The following FAT4 variants were observed in gnomAD, a reference collection of about 807,000 sequenced individuals.
FAT4 encodes FAT atypical cadherin 4, also known as protocadherin Fat 4.
Under a neutral mutation model 303.9 loss-of-function variants are expected in FAT4, and 84 were observed. The ratio of observed to expected loss-of-function variants is 0.28; its 90% CI spans 0.23 to 0.33. The LOEUF (loss-of-function observed/expected upper bound fraction) is 0.33, where lower values mean the gene tolerates loss of function less well. Ranked by LOEUF, FAT4 falls within the 10% of genes least tolerant of loss-of-function variation. The pLI, the probability that FAT4 is intolerant of heterozygous loss-of-function variation, is 1.00. For synonymous variants in FAT4, 2,307 were observed against 2,298.8 expected, an observed-to-expected ratio of 1.00 and a Z score of -0.10; for missense variants, 6,005 against 6,146.8, an observed-to-expected ratio of 0.98 and a Z score of 0.77.
chr4:125,380,835 T>C (rs929354007), intron 2 of FAT4, among the ~76,000 whole-genome samples: 4 of 152,210 alleles, frequency 2.6e-5, no homozygotes, highest in African/African-American at 9.6e-5. Flanking sequence ...ATTTTAATTT[T>C]TGTGCATTTA....
intron 2 of FAT4, among the ~76,000 whole-genome samples, chr4:125,381,467 T>C (rs571540865): frequency 6.6e-6 from 1 of 152,306 alleles, no homozygotes; most frequent in East Asian, 1.9e-4. Context: ...TTATGTTTAT[T>C]CTATACTGTA....
At chr4:125,447,987 G>A (rs1024167982) in intron 9 of FAT4, among the ~76,000 whole-genome samples, 4 of 152,050 alleles carry the variant, frequency 2.6e-5, no homozygotes, top group African/African-American at 9.7e-5. Flanking sequence ...AAATGGTAAT[G>A]AACATGATTT....
intron 16 of FAT4, among the ~76,000 whole-genome samples, chr4:125,486,239 T>C (rs975882061): frequency 6.6e-6 from 1 of 151,958 alleles, no homozygotes; most frequent in African/African-American, 2.4e-5. Flanking sequence ...TGAAATGTTA[T>C]TGTCATTTAG....
chr4:125,399,234 T>C (rs1273410071), intron 3 of FAT4, among the ~76,000 whole-genome samples: 1 of 152,098 alleles, frequency 6.6e-6, no homozygotes, highest in Non-Finnish European at 1.5e-5. Flanking sequence ...TATTCCCCTT[T>C]GCTATCTTAT....
At chr4:125,371,829 T>C (rs1011527766) in intron 2 of FAT4, among the ~76,000 whole-genome samples, 2 of 152,008 alleles carry the variant, frequency 1.3e-5, no homozygotes, top group Non-Finnish European at 2.9e-5. Context: ...ATATGGGGCA[T>C]ATTCTTTAGA....
At chr4:125,443,418 G>A (rs1725726762) in intron 8 of FAT4, among the ~76,000 whole-genome samples, 1 of 152,082 alleles carries the variant, frequency 6.6e-6, no homozygotes, top group Non-Finnish European at 1.5e-5. Flanking sequence ...TCCCTCAGTT[G>A]AGTTTTACCT....
rs767481539 is a variant in FAT4, at chr4:125,452,590, G to C, written c.11580G>C (p.Trp3860Cys). Residue 3860 changes from tryptophan to cysteine, a missense_variant, in exon 10 of 18, where the codon TGG (tryptophan) becomes TGC (cysteine). By Grantham distance (215) the Trp-to-Cys change is radical. Coordinates refer to ENST00000394329, the MANE Select transcript of FAT4 (RefSeq NM_001291303.3). ...CKCLPGYAGS[W>C]CEIDIDECLP... ...GTCTGCCAGGATATGCGGGTAGCTG[G>C]TGTGAAATAGATATAGATGAATGTC... 3 of 1,614,174 alleles carry C rather than the reference G, an allele frequency of 1.9e-6. No individual in the cohort carries two copies. The highest frequency in any genetic ancestry group is 1.1e-5 in the South Asian group (1 of 91,088).
chr4:125,393,414 T>G (rs925244), intron 2 of FAT4, among the ~76,000 whole-genome samples: 18 of 152,206 alleles, frequency 1.2e-4, no homozygotes, highest in Admixed American at 9.8e-4. Context: ...CAATTTAAAT[T>G]GGGGAAATAG....
At chr4:125,399,046 T>C in intron 3 of FAT4, 131 bp downstream of exon 3, 1 of 747,748 alleles carries the variant, frequency 1.3e-6, no homozygotes, top group Admixed American at 2.7e-5. Context: ...CAAAGAACAT[T>C]AATTCTTGAA....
At position 125,450,816 on chromosome 4, in the gene FAT4, C is replaced by G. The variant is rs1046019210; in HGVS notation, c.9806C>G (p.Thr3269Ser). Residue 3269 changes from threonine (T) to serine (S), a missense_variant, in exon 10 of 18, where the codon ACT becomes AGT. Transcript: ENST00000394329. The part of the protein sequence containing the change: ...DFETKQSYHL[T>S]VKAFNVPDEE... ...GAAACCAAGCAGAGCTACCATCTTA[C>G]TGTGAAAGCCTTCAATGTCCCCGAT... The G allele has an allele frequency of 2.5e-6, 4 of 1,614,034 alleles. No homozygotes were observed. The African/African-American group carries it at 5.3e-5, about 22-fold the overall frequency.
Position 125,451,512 on chromosome 4 carries a change from C to T in FAT4, c.10502C>T (p.Thr3501Ile). The T allele has an allele frequency of 6.2e-7, 1 of 1,614,124 alleles. No individual in the cohort carries two copies. The highest frequency in any genetic ancestry group is 1.1e-5 in the South Asian group (1 of 91,088). The stretch of plus-strand genomic sequence containing the variant: ...ACAGGTAGTGCCTCTTTATTAGTCA[C>T]CCTGGAAGATATAAATGATAACGGG... The part of the protein sequence containing the change: ...SATGSASLLV[T>I]LEDINDNGPM... Residue 3501 changes from threonine (T) to isoleucine (I), a missense_variant, in exon 10 of 18, where the codon ACC (threonine) becomes ATC (isoleucine). Physicochemically the swap from Thr to Ile is moderately conservative, Grantham distance 89 (BLOSUM62 -1). Transcript: ENST00000394329.
intron 8 of FAT4, among the ~76,000 whole-genome samples, chr4:125,435,792 G>A (rs1356659712): frequency 6.6e-6 from 1 of 152,054 alleles, no homozygotes; most frequent in African/African-American, 2.4e-5. Flanking sequence ...TTACCTTTAG[G>A]TGAGAAACTA....
intron 2 of FAT4, among the ~76,000 whole-genome samples, chr4:125,329,511 TAA>T (rs766202471): frequency 3.8e-4 from 58 of 152,208 alleles, no homozygotes; most frequent in Non-Finnish European, 7.3e-5. Flanking sequence ...CCTCAAACTC[TAA>T]GTGTTGGAAC....
At chr4:125,408,990 A>G (rs1406970102) in intron 5 of FAT4, among the ~76,000 whole-genome samples, 196 bp downstream of exon 5, 8 of 152,128 alleles carry the variant, frequency 5.3e-5, no homozygotes, top group South Asian at 2.1e-4. Flanking sequence ...CTTATTTATA[A>G]CAGAAAACAT....
chr4:125,477,253 T>C lies in FAT4; in HGVS notation c.12398T>C (p.Val4133Ala). The change falls in exon 14 of 18, where the codon GTT (valine) becomes GCT (alanine). Residue 4133 changes from valine (V) to alanine (A), a missense_variant. Coordinates refer to ENST00000394329, the MANE Select transcript of FAT4 (RefSeq NM_001291303.3). The part of the protein sequence containing the change: ...RRGHVESHDF[V>A]GCIMEFAVNG... ...GGACACGTGGAAAGCCATGATTTTG[T>C]TGGGTGTATAATGGAGTTTGCAGTC... is the stretch of plus-strand genomic sequence containing the variant. 1 of 1,566,992 alleles carries C rather than the reference T, an allele frequency of 6.4e-7. No individual in the cohort carries two copies.
At chr4:125,480,440 C>T (rs1727186669) in intron 15 of FAT4, among the ~76,000 whole-genome samples, 1 of 152,122 alleles carries the variant, frequency 6.6e-6, no homozygotes, top group African/African-American at 2.4e-5. Context: ...TTCATATCAT[C>T]ATTAGAAAAT....
chr4:125,340,406 C>T (rs1053733728), intron 2 of FAT4, among the ~76,000 whole-genome samples: 1 of 149,864 alleles, frequency 6.7e-6, no homozygotes, highest in African/African-American at 2.5e-5. Context: ...TTTTTTGAGA[C>T]GGAGCCTCGC....
chr4:125,451,481 T>C lies in FAT4; in HGVS notation c.10471T>C (p.Ser3491Pro). 1.2e-6 allele frequency: 2 copies of C among 1,614,134 alleles called. No homozygotes were observed. Among genetic ancestry groups the C allele is most frequent in the Non-Finnish European group, 1.7e-6 (2 of 1,180,002 alleles). Residue 3491 changes from serine (S) to proline (P), a missense_variant, in exon 10 of 18, where the codon TCA becomes CCA. Physicochemically the swap from Ser to Pro is moderately conservative, Grantham distance 74. Coordinates refer to ENST00000394329, the MANE Select transcript of FAT4 (RefSeq NM_001291303.3). The part of the protein sequence containing the change: ...SVLAVDSGTP[S>P]ATGSASLLVT... ...TTTGGCTGTTGATTCAGGGACCCCC[T>C]CAGCTACAGGTAGTGCCTCTTTATT...
At chr4:125,376,674 C>A (rs1268827114) in intron 2 of FAT4, among the ~76,000 whole-genome samples, 1 of 151,998 alleles carries the variant, frequency 6.6e-6, no homozygotes, top group African/African-American at 2.4e-5. Context: ...CTGAGATAGG[C>A]GGATCACCTG....
Sources: allele counts gnomAD v4.1 joint callset (sites outside exome capture counted in the v4.1 genomes callset), GRCh38; gene constraint gnomAD v4.1.1; transcripts MANE v1.5; gene names NCBI Gene and HGNC (gene_info 2026-07-23, HGNC 2026-07-21).